The following RGS12 variants were observed in gnomAD, a reference collection of about 807,000 sequenced individuals.
The protein encoded by RGS12 is regulator of G-protein signaling 12.
A neutral mutation model predicts 120.1 loss-of-function variants in RGS12; 66 were observed. The ratio of observed to expected loss-of-function variants is 0.55; its 90% CI spans 0.45 to 0.67. The LOEUF (loss-of-function observed/expected upper bound fraction) is 0.67, where lower values mean the gene tolerates loss of function less well. RGS12 is among the 30% of genes least tolerant of loss of function. RGS12 has a pLI of 0.00. For missense variants in RGS12, 1,859 were observed against 1,957.7 expected, an observed-to-expected ratio of 0.95 and a Z score of 0.95; for synonymous variants, 827 against 804.7, an observed-to-expected ratio of 1.03 and a Z score of -0.47.
Position 3,414,082 on chromosome 4 carries a change from C to G in RGS12, c.2031C>G (p.Gly677=), listed in dbSNP as rs544816999. The change falls in exon 5 of 18, where the codon GGC becomes GGG. Residue 677 remains glycine (G), a synonymous_variant. Transcript: ENST00000336727. ...SATVSDGELT[G]ADLKDCVSNN... The stretch of plus-strand genomic sequence containing the variant: ...GTGCTGGTCCCGCAGAGTTGACGGG[C>G]GCCGACCTGAAGGACTGCGTCAGCA... 2 of 1,562,456 alleles carry G rather than the reference C, an allele frequency of 1.3e-6. No homozygotes were observed. The highest frequency in any genetic ancestry group is 2.7e-5 in the African/African-American group (2 of 74,228).
At chr4:3,357,895 A>G (rs1379370497) in intron 3 of RGS12, among the ~76,000 whole-genome samples, 1 of 152,154 alleles carries the variant, frequency 6.6e-6, no homozygotes, top group African/African-American at 2.4e-5. Flanking sequence ...TAAAAAAGTC[A>G]TTGGGATTTC....
At position 3,316,515 on chromosome 4, in the gene RGS12, A is replaced by T. The variant is rs542789816; in HGVS notation, c.345A>T (p.Glu115Asp). The T allele has an allele frequency of 5.0e-5, 81 of 1,614,166 alleles. No individual in the cohort carries two copies. The highest frequency in any genetic ancestry group is 3.3e-4 in the Middle Eastern group (2 of 6,062). Reference protein sequence around the residue: ...CSSDEEGGLYEGKGWLKPKLD... With the variant: ...CSSDEEGGLYDGKGWLKPKLD... Reference sequence around the variant, plus strand: ...GTGATGAAGAAGGGGGACTCTATGAAGGAAAAGGCTGGCTGAAGCCCAAGC... The same window carrying T: ...GTGATGAAGAAGGGGGACTCTATGATGGAAAAGGCTGGCTGAAGCCCAAGC... Residue 115 changes from glutamate to aspartate, a missense_variant, in exon 2 of 18, where the codon GAA becomes GAT. Around this residue, in one of 3 missense-constraint regions of RGS12, gnomAD observed 967 missense variants for 994.2 expected, o/e 0.97. Coordinates refer to ENST00000336727, the MANE Select transcript of RGS12 (RefSeq NM_001394154.1).
chr4:3,431,018 CAGAA>C, intron 17 of RGS12, 63 bp downstream of exon 17: 1 of 1,570,758 alleles, frequency 6.4e-7, no homozygotes, highest in Non-Finnish European at 8.6e-7. Context: ...AGCTTCCAGT[CAGAA>C]AGGACAGTGG....
intron 17 of RGS12, among the ~76,000 whole-genome samples, chr4:3,437,960 G>C (rs1716853324): frequency 1.3e-5 from 2 of 152,200 alleles, no homozygotes; most frequent in African/African-American, 4.8e-5. Flanking sequence ...GGCACGCTGG[G>C]ATTGGGGACC....
intron 3 of RGS12, among the ~76,000 whole-genome samples, chr4:3,347,199 C>T (rs1713879612): frequency 6.6e-6 from 1 of 152,190 alleles, no homozygotes; most frequent in African/African-American, 2.4e-5. Flanking sequence ...AATCCCAGCA[C>T]TTTGGGAGGC....
chr4:3,325,825 GAT>G (rs1725521805), intron 2 of RGS12, among the ~76,000 whole-genome samples: 1 of 152,104 alleles, frequency 6.6e-6, no homozygotes, highest in East Asian at 1.9e-4. Flanking sequence ...ACATCAAAAA[GAT>G]AATACGCTAT....
intron 2 of RGS12, among the ~76,000 whole-genome samples, chr4:3,334,421 G>C (rs2108747565): frequency 6.6e-6 from 1 of 152,092 alleles, no homozygotes; most frequent in Non-Finnish European, 1.5e-5. Flanking sequence ...GATGTATTTG[G>C]TTTGCTACTA....
chr4:3,369,639 T>TC (rs1716759739), intron 3 of RGS12, among the ~76,000 whole-genome samples: 1 of 152,206 alleles, frequency 6.6e-6, no homozygotes, highest in African/African-American at 2.4e-5. Flanking sequence ...TACCCCTAAA[T>TC]CTCTAGAAAA....
At chr4:3,410,116 G>A (rs767193267) in intron 4 of RGS12, among the ~76,000 whole-genome samples, 2 of 152,198 alleles carry the variant, frequency 1.3e-5, no homozygotes, top group Non-Finnish European at 2.9e-5. Context: ...AAATGTCATG[G>A]TGCTCATAAT....
At position 3,430,948 on chromosome 4, in the gene RGS12, C is replaced by T; in HGVS notation, c.4107C>T (p.Ser1369=). 6.2e-7 allele frequency: 1 copy of T among 1,612,564 alleles called. No homozygotes were observed. ...PSTPQEVPGP[S]RPGSGTHGSR... ...CCCCCCAGGAAGTGCCAGGACCTTCCAGACCAGGTACCTCCAGGTTCTGAT... is the reference window on the plus strand; with the variant it reads ...CCCCCCAGGAAGTGCCAGGACCTTCTAGACCAGGTACCTCCAGGTTCTGAT... The change falls in exon 17 of 18, where the codon TCC becomes TCT. Residue 1369 remains serine, a synonymous_variant. Coordinates refer to ENST00000336727, the MANE Select transcript of RGS12 (RefSeq NM_001394154.1).
In RGS12 at chr4:3,427,432, G is replaced by A. The variant is rs959569783; in HGVS notation, c.3332-658G>A. 2.0e-5 allele frequency among the ~76,000 whole-genome samples: 3 copies of A among 152,236 alleles called. No homozygotes were observed. In the East Asian group the frequency reaches 5.8e-4, roughly 29 times the overall value. On this transcript the variant is annotated intron_variant, in intron 14 of 17. Coordinates refer to ENST00000336727, the MANE Select transcript of RGS12 (RefSeq NM_001394154.1). ...CCTGTGGCCCTGGCATGGGGCAAAGGCTGTATTTGAAAATATGTCATGGAC... is the reference window on the plus strand; with the variant it reads ...CCTGTGGCCCTGGCATGGGGCAAAGACTGTATTTGAAAATATGTCATGGAC...
At chr4:3,351,022 T>C (rs1714306858) in intron 3 of RGS12, among the ~76,000 whole-genome samples, 2 of 152,118 alleles carry the variant, frequency 1.3e-5, no homozygotes, top group Admixed American at 1.3e-4. Flanking sequence ...GGAACTTTTA[T>C]CTGTGGCTAA....
chr4:3,306,667 G>C (rs1047226655), intron 1 of RGS12, among the ~76,000 whole-genome samples: 6 of 152,198 alleles, frequency 3.9e-5, no homozygotes, highest in African/African-American at 1.4e-4. Context: ...ACAGGGCCTG[G>C]GGAGGCAGTA....
At chr4:3,368,125 G>T (rs1423231311) in intron 3 of RGS12, among the ~76,000 whole-genome samples, 1 of 152,170 alleles carries the variant, frequency 6.6e-6, no homozygotes, top group Non-Finnish European at 1.5e-5. Flanking sequence ...GGGTCTGGGG[G>T]CCCTGGGGGG....
At chr4:3,297,118 G>A (rs1723424386) in intron 1 of RGS12, among the ~76,000 whole-genome samples, 1 of 152,240 alleles carries the variant, frequency 6.6e-6, no homozygotes, top group African/African-American at 2.4e-5. Context: ...CATCTAGTTT[G>A]TTCTTTCTGT....
Position 3,389,024 on chromosome 4 carries a change from G to C in RGS12, c.2020+2587G>C, listed in dbSNP as rs1258794109. ...TAGATCACTCACTTAGAAATATTTTGTGTTCAACGAGCCGTGCCAGTGAGA... is the reference window on the plus strand; with the variant it reads ...TAGATCACTCACTTAGAAATATTTTCTGTTCAACGAGCCGTGCCAGTGAGA... On this transcript the variant is annotated intron_variant, in intron 4 of 17. Transcript: ENST00000336727. The surrounding 1 kb of genome is among the most constrained non-coding windows in gnomAD (Gnocchi z 5.2). Among the ~76,000 whole-genome samples, 1 of 152,138 alleles carries C rather than the reference G, an allele frequency of 6.6e-6. No homozygotes were observed. Among genetic ancestry groups the C allele is most frequent in the East Asian group, 1.9e-4 (1 of 5,194 alleles).
chr4:3,337,342 C>T (rs1339388467), intron 2 of RGS12, among the ~76,000 whole-genome samples: 1 of 152,254 alleles, frequency 6.6e-6, no homozygotes, highest in African/African-American at 2.4e-5. Context: ...ACAATGACCA[C>T]ATGGCCCACA....
At chr4:3,327,536 G>A (rs1263624980) in intron 2 of RGS12, among the ~76,000 whole-genome samples, 1 of 152,186 alleles carries the variant, frequency 6.6e-6, no homozygotes, top group Non-Finnish European at 1.5e-5. Context: ...CACCTGACAA[G>A]GGTCTAATAT....
At chr4:3,340,894 C>T (rs1416008322) in intron 2 of RGS12, among the ~76,000 whole-genome samples, 12 of 152,128 alleles carry the variant, frequency 7.9e-5, no homozygotes, top group Non-Finnish European at 1.8e-4. Context: ...GCAACTGTGG[C>T]GCCTCAGCTT....
Sources: allele counts gnomAD v4.1 joint callset (sites outside exome capture counted in the v4.1 genomes callset), GRCh38; gene constraint gnomAD v4.1.1; regional missense constraint gnomAD v4.1.1; non-coding constraint Gnocchi (gnomAD v3.1); transcripts MANE v1.5; gene names NCBI Gene and HGNC (gene_info 2026-07-23, HGNC 2026-07-21).